The following ZNF678 variants were observed in gnomAD, a reference collection of about 807,000 sequenced individuals.
ZNF678 encodes zinc finger protein 678.
A neutral mutation model predicts 3.0 loss-of-function variants in ZNF678; 5 were observed. The ratio of observed to expected loss-of-function variants is 1.69; its 90% CI spans 0.88 to 3.56. The LOEUF (loss-of-function observed/expected upper bound fraction) is 3.56. Among genes scored for constraint, ZNF678 ranks in the 30% most tolerant of loss-of-function variants. The pLI, the probability that ZNF678 is intolerant of heterozygous loss-of-function variation, is 0.00. For synonymous variants in ZNF678, 218 were observed against 199.6 expected, an observed-to-expected ratio of 1.09 and a Z score of -0.78; for missense variants, 593 against 605.0, an observed-to-expected ratio of 0.98 and a Z score of 0.21.
chr1:227,663,587 A>C (rs927250444), downstream of ZNF678, among the ~76,000 whole-genome samples: 2 of 152,236 alleles, frequency 1.3e-5, no homozygotes, highest in African/African-American at 4.8e-5. Flanking sequence ...GCTGTCTGCT[A>C]TAAGAGATAC....
At chr1:227,668,641 T>A (rs752364349) in intron 5 of ZNF678, among the ~76,000 whole-genome samples, 6 of 152,200 alleles carry the variant, frequency 3.9e-5, no homozygotes, top group Non-Finnish European at 7.3e-5. Flanking sequence ...CTACAAGTGT[T>A]CACATTTGGC....
rs34135766 is a variant in ZNF678, at chr1:227,585,772, T to TC, written c.-164+22054dup. On this transcript the variant is annotated intron_variant, in intron 1 of 3. Coordinates refer to ENST00000343776, the MANE Select transcript of ZNF678 (RefSeq NM_001367909.1). ...AGCCTGGTGACAGAGTGAGATTCAG[T>TC]CCCCCCAAAAAAAAACAAAAATGTG... Among the ~76,000 whole-genome samples, 644 of 140,666 alleles carry TC rather than the reference T, an allele frequency of 4.6e-3. 6 individuals are homozygous for TC. Among genetic ancestry groups the TC allele is most frequent in the Admixed American group, 7.1e-3 (95 of 13,374 alleles). 92.3% of individuals were successfully genotyped at this position (140,666 alleles called of 152,430 possible).
chr1:227,652,127 A>C (rs1453974957), intron 3 of ZNF678, among the ~76,000 whole-genome samples: 1 of 152,206 alleles, frequency 6.6e-6, no homozygotes. Flanking sequence ...CTTATAAATT[A>C]TATATGTTCC....
chr1:227,634,117 C>G (rs1402480783), intron 1 of ZNF678, among the ~76,000 whole-genome samples: 6 of 152,166 alleles, frequency 3.9e-5, no homozygotes, highest in East Asian at 1.9e-4. Context: ...TTCTATACAC[C>G]CGCTGGGCCA....
chr1:227,628,399 C>T (rs1252238228), intron 1 of ZNF678, among the ~76,000 whole-genome samples: 2 of 152,210 alleles, frequency 1.3e-5, no homozygotes, highest in African/African-American at 4.8e-5. Flanking sequence ...GCTTCTGCTT[C>T]AGGTGTCCAT....
chr1:227,665,346 CT>C (rs1659483444), downstream of ZNF678, among the ~76,000 whole-genome samples: 1 of 152,200 alleles, frequency 6.6e-6, no homozygotes, highest in South Asian at 2.1e-4. Flanking sequence ...AAATCAGACG[CT>C]TGTGCTGCAT....
chr1:227,580,645 A>G (rs1657102078), intron 1 of ZNF678, among the ~76,000 whole-genome samples: 1 of 152,140 alleles, frequency 6.6e-6, no homozygotes, highest in African/African-American at 2.4e-5. Context: ...AATTACCACA[A>G]AAGGCCAGGC....
chr1:227,652,461 A>C (rs1435344724), intron 3 of ZNF678, among the ~76,000 whole-genome samples: 1 of 152,116 alleles, frequency 6.6e-6, no homozygotes, highest in Non-Finnish European at 1.5e-5. Context: ...TAGCTGTCTA[A>C]AACATAATTA....
At chr1:227,592,102 C>T (rs1167932865) in intron 1 of ZNF678, among the ~76,000 whole-genome samples, 3 of 152,124 alleles carry the variant, frequency 2.0e-5, no homozygotes, top group East Asian at 1.9e-4. Context: ...TAAACTGAGT[C>T]CAATACCTCT....
intron 5 of ZNF678, among the ~76,000 whole-genome samples, chr1:227,669,694 A>G (rs1659568514): frequency 6.6e-6 from 1 of 152,022 alleles, no homozygotes; most frequent in African/African-American, 2.4e-5. Flanking sequence ...AGCTATTATC[A>G]AAAATACAAC....
Position 227,638,391 on chromosome 1 carries a change from A to C in ZNF678, c.-163-8153A>C, listed in dbSNP as rs1658734923. Among the ~76,000 whole-genome samples the C allele has an allele frequency of 6.6e-6, 1 of 152,158 alleles. No individual in the cohort carries two copies. The highest frequency in any genetic ancestry group is 1.5e-5 in the Non-Finnish European group (1 of 68,030). The stretch of plus-strand genomic sequence containing the variant: ...TTTAACAGATAGAACTGGTGTGTTA[A>C]AAGGGGATTTTGTTGGGCAGAGTAG... On this transcript the variant is annotated intron_variant, in intron 1 of 3. Transcript: ENST00000343776. This position sits in a 1 kb window ranked among gnomAD's most constrained non-coding sequence, Gnocchi z 4.2.
chr1:227,626,665 C>T (rs1558147640), intron 1 of ZNF678, among the ~76,000 whole-genome samples: 1 of 152,080 alleles, frequency 6.6e-6, no homozygotes, highest in Non-Finnish European at 1.5e-5. Context: ...CTTACTAAGG[C>T]TATAGGCAAC....
intron 1 of ZNF678, among the ~76,000 whole-genome samples, chr1:227,606,125 G>C (rs983678455): frequency 4.6e-5 from 7 of 152,140 alleles, no homozygotes; most frequent in Non-Finnish European, 1.0e-4. Flanking sequence ...AAAGAACAGG[G>C]GGCCCAGGGG....
intron 2 of ZNF678, 92 bp downstream of exon 2, chr1:227,646,762 G>T: frequency 8.6e-7 from 1 of 1,164,544 alleles, no homozygotes; most frequent in South Asian, 1.4e-5. Flanking sequence ...TTTGTCATTT[G>T]CATGAATGAG....
rs145250089 is a variant in ZNF678, at chr1:227,613,887, A to G, written c.-163-32657A>G. Among the ~76,000 whole-genome samples the G allele has an allele frequency of 1.2e-3, 184 of 152,312 alleles. 1 individual carries two copies. The highest frequency in any genetic ancestry group is 3.4e-3 in the Middle Eastern group (1 of 294). Reference sequence around the variant, plus strand: ...GTGCCAACAAGTACTGCTGGAGTCAATTCTACCCAAAACAATTGATTATTG... The same window carrying G: ...GTGCCAACAAGTACTGCTGGAGTCAGTTCTACCCAAAACAATTGATTATTG... On this transcript the variant is annotated intron_variant, in intron 1 of 3. Coordinates refer to ENST00000343776, the MANE Select transcript of ZNF678 (RefSeq NM_001367909.1).
chr1:227,592,532 G>A (rs997961658), intron 1 of ZNF678, among the ~76,000 whole-genome samples: 4 of 152,366 alleles, frequency 2.6e-5, no homozygotes, highest in African/African-American at 9.6e-5. Flanking sequence ...AAGCCCCAGG[G>A]CTGGGGCCGA....
At position 227,654,771 on chromosome 1, in the gene ZNF678, T is replaced by G. The variant is rs754378440; in HGVS notation, c.521T>G (p.Ile174Ser). 1.9e-6 allele frequency: 3 copies of G among 1,613,170 alleles called. No individual in the cohort carries two copies. Among genetic ancestry groups the G allele is most frequent in the Non-Finnish European group, 2.5e-6 (3 of 1,179,556 alleles). The change falls in exon 4 of 4, where the codon ATT becomes AGT. Residue 174 changes from isoleucine (I) to serine (S), a missense_variant. Ile to Ser is a moderately radical substitution (Grantham distance 142). Coordinates refer to ENST00000343776, the MANE Select transcript of ZNF678 (RefSeq NM_001367909.1). ...WWSQLTNHKK[I>S]HTGEKPYKCD... is the part of the protein sequence containing the mutation. ...TCACAACTAACTAACCATAAGAAAA[T>G]TCATACTGGAGAGAAACCCTACAAA...
intron 2 of ZNF678, 116 bp downstream of exon 2, chr1:227,646,786 C>T (rs1658970784): frequency 2.1e-6 from 2 of 937,490 alleles, no homozygotes. Flanking sequence ...TTGATCTCTG[C>T]TTCTAAGGAA....
chr1:227,647,961 ATGATTT>A (rs1658998215), intron 2 of ZNF678, among the ~76,000 whole-genome samples: 1 of 152,238 alleles, frequency 6.6e-6, no homozygotes, highest in South Asian at 2.1e-4. Flanking sequence ...TTTCAGCTTT[ATGATTT>A]TCTATCCTAT....
Sources: allele counts gnomAD v4.1 joint callset (sites outside exome capture counted in the v4.1 genomes callset), GRCh38; gene constraint gnomAD v4.1.1; non-coding constraint Gnocchi (gnomAD v3.1); transcripts MANE v1.5; gene names NCBI Gene and HGNC (gene_info 2026-07-23, HGNC 2026-07-21).